The following PLCB4 variants were observed in gnomAD, a reference collection of about 807,000 sequenced individuals.
The protein encoded by PLCB4 is phospholipase C beta 4, also known as 1-phosphatidylinositol 4,5-bisphosphate phosphodiesterase beta-4.
In PLCB4, 77 loss-of-function variants were observed where a neutral mutation model predicts 178.8. That is an observed-to-expected ratio of 0.43 (90% CI 0.36 to 0.52). The LOEUF is 0.52. Ranked by LOEUF, PLCB4 falls within the 20% of genes least tolerant of loss-of-function variation. The pLI is 0.00. For missense variants in PLCB4, 1,024 were observed against 1,453.4 expected (o/e 0.70, Z 4.80); for synonymous variants, 496 against 490.8 (o/e 1.01, Z -0.14).
At chr20:9,085,068 A>AAAGG (rs1555813546) in intron 1 of PLCB4, among the ~76,000 whole-genome samples, 1 of 41,824 alleles carries the variant, frequency 2.4e-5, no homozygotes, top group Non-Finnish European at 7.0e-5. Context: ...AAAAAAAAAA[A>AAAGG]GAATATATTA....
At chr20:9,121,275 AT>A (rs1408576868) in intron 2 of PLCB4, among the ~76,000 whole-genome samples, 1 of 151,736 alleles carries the variant, frequency 6.6e-6, no homozygotes, top group Non-Finnish European at 1.5e-5. Context: ...CTTGCTCTCT[AT>A]TTTTTTTAAC....
At chr20:9,147,999 A>G (rs1022193861) in intron 2 of PLCB4, among the ~76,000 whole-genome samples, 9 of 152,172 alleles carry the variant, frequency 5.9e-5, no homozygotes, top group African/African-American at 2.2e-4. Flanking sequence ...TTTGATACTG[A>G]TAAGCAGCCT....
chr20:9,134,540 G>A (rs2092343338), intron 2 of PLCB4, among the ~76,000 whole-genome samples: 1 of 152,046 alleles, frequency 6.6e-6, no homozygotes, highest in Non-Finnish European at 1.5e-5. Flanking sequence ...GTTGGTGGAA[G>A]TTGGAAGGAA....
chr20:9,307,966 T>G, intron 4 of PLCB4, 68 bp downstream of exon 4: 1 of 648,518 alleles, frequency 1.5e-6, no homozygotes, highest in Non-Finnish European at 2.6e-6. Context: ...ATTACAGTAT[T>G]GAGTAAATAT....
intron 2 of PLCB4, among the ~76,000 whole-genome samples, chr20:9,136,844 A>G (rs552841253): frequency 1.4e-4 from 21 of 152,170 alleles, no homozygotes; most frequent in African/African-American, 4.3e-4. Context: ...GCCCCTTGAG[A>G]GTCACTCTTC....
chr20:9,220,313 G>T (rs186850487), intron 3 of PLCB4, among the ~76,000 whole-genome samples: 207 of 152,306 alleles, frequency 1.4e-3, no homozygotes, highest in African/African-American at 4.9e-3. Context: ...TGTTGGGGGT[G>T]CTTTCTTCCT....
chr20:9,116,960 T>G (rs1405635279), intron 2 of PLCB4, among the ~76,000 whole-genome samples: 6 of 152,190 alleles, frequency 3.9e-5, no homozygotes, highest in African/African-American at 9.6e-5. Context: ...TGAATGTGAA[T>G]TTTTAAAACT....
chr20:9,103,024 T>C (rs1465131192), intron 2 of PLCB4, among the ~76,000 whole-genome samples: 2 of 135,422 alleles, frequency 1.5e-5, no homozygotes, highest in Non-Finnish European at 3.2e-5. Flanking sequence ...TCTGCCATTG[T>C]ACTTTTTTTT....
At chr20:9,227,168 A>T (rs1270584631) in intron 3 of PLCB4, among the ~76,000 whole-genome samples, 1 of 148,004 alleles carries the variant, frequency 6.8e-6, no homozygotes, top group Non-Finnish European at 1.5e-5. Context: ...TGTTGAATTC[A>T]TTGTAAGACT....
intron 1 of PLCB4, among the ~76,000 whole-genome samples, chr20:9,095,918 A>G (rs2090895286): frequency 6.6e-6 from 1 of 152,182 alleles, no homozygotes; most frequent in Non-Finnish European, 1.5e-5. Flanking sequence ...GTGGAGTTTT[A>G]TATATTTCCT....
In PLCB4 at chr20:9,249,566, A is replaced by T. The variant is rs563342746; in HGVS notation, c.-16+32114A>T. On this transcript the variant is annotated intron_variant, in intron 3 of 39. Transcript: ENST00000378473. ...CCTGGCTTCAAGCGTCAGTCTCCCA[A>T]AGTGTTGAGATTACAGGCATGAGCC... 4.6e-5 allele frequency among the ~76,000 whole-genome samples: 7 copies of T among 152,136 alleles called. No homozygotes were observed. In the South Asian group the frequency reaches 1.5e-3, roughly 32 times the overall value.
chr20:9,391,937 T>A (rs1295246298), intron 17 of PLCB4, among the ~76,000 whole-genome samples: 9 of 152,214 alleles, frequency 5.9e-5, no homozygotes, highest in Admixed American at 4.6e-4. Context: ...TGTCTTCTTT[T>A]TCTCACTTTC....
At chr20:9,128,313 A>G (rs534907317) in intron 2 of PLCB4, among the ~76,000 whole-genome samples, 1 of 152,258 alleles carries the variant, frequency 6.6e-6, no homozygotes, top group South Asian at 2.1e-4. Flanking sequence ...TGCTTGTACA[A>G]CCTGCAGAAC....
intron 25 of PLCB4, among the ~76,000 whole-genome samples, chr20:9,415,625 T>C (rs965152847): frequency 1.2e-4 from 18 of 152,236 alleles, no homozygotes; most frequent in African/African-American, 4.1e-4. Context: ...GGCTTTGGCC[T>C]TGTGCCTGTG....
chr20:9,097,786 A>C (rs1186821020), intron 2 of PLCB4, among the ~76,000 whole-genome samples: 1 of 151,986 alleles, frequency 6.6e-6, no homozygotes, highest in East Asian at 1.9e-4. Flanking sequence ...GTTACTTATA[A>C]AGCACCCACC....
intron 10 of PLCB4, among the ~76,000 whole-genome samples, chr20:9,372,060 C>T (rs2036294892): frequency 6.6e-6 from 1 of 152,282 alleles, no homozygotes. Flanking sequence ...CCAGCTGTAG[C>T]CAGGTGTTCG....
chr20:9,194,009 T>TAA (rs1568928925), intron 2 of PLCB4, among the ~76,000 whole-genome samples: 2 of 151,996 alleles, frequency 1.3e-5, no homozygotes, highest in African/African-American at 4.8e-5. Flanking sequence ...GCTTTTTTTT[T>TAA]TAAAAAAAAT....
chr20:9,357,676 G>A (rs2034960362), intron 7 of PLCB4, among the ~76,000 whole-genome samples: 1 of 152,102 alleles, frequency 6.6e-6, no homozygotes, highest in Non-Finnish European at 1.5e-5. Flanking sequence ...TAGCCCCCTT[G>A]CCCTTTCCAC....
At chr20:9,305,073 A>G (rs1288934570) in intron 3 of PLCB4, among the ~76,000 whole-genome samples, 1 of 132,992 alleles carries the variant, frequency 7.5e-6, no homozygotes, top group East Asian at 2.3e-4. Context: ...AACTTCTTAG[A>G]TAGTTTTCAA....
Sources: allele counts gnomAD v4.1 joint callset (sites outside exome capture counted in the v4.1 genomes callset), GRCh38; gene constraint gnomAD v4.1.1; transcripts MANE v1.5; gene names NCBI Gene and HGNC (gene_info 2026-07-23, HGNC 2026-07-21).